Variants in TLN2 observed in about 807,000 individuals in gnomAD.
TLN2 encodes talin-2.
A neutral mutation model predicts 294.7 loss-of-function variants in TLN2; 118 were observed. The ratio of observed to expected loss-of-function variants is 0.40; its 90% CI spans 0.34 to 0.47. The LOEUF (loss-of-function observed/expected upper bound fraction) is 0.47. Among genes scored for constraint, TLN2 ranks in the 20% least tolerant of loss-of-function variants. TLN2 has a pLI of 0.84. For missense variants in TLN2, 3,083 were observed against 3,282.2 expected (o/e 0.94, Z 1.48); for synonymous variants, 1,431 against 1,304.5 (o/e 1.10, Z -2.09).
intron 1 of TLN2, among the ~76,000 whole-genome samples, chr15:62,559,666 G>T (rs745479410): frequency 5.3e-5 from 8 of 152,286 alleles, no homozygotes; most frequent in Non-Finnish European, 1.0e-4. Flanking sequence ...AGGCTCTTTG[G>T]TGGCAATGGA....
chr15:62,808,369 G>A (rs1310391297), intron 51 of TLN2, among the ~76,000 whole-genome samples: 1 of 152,182 alleles, frequency 6.6e-6, no homozygotes, highest in African/African-American at 2.4e-5. Context: ...ACTGTTGACA[G>A]ATATTTAGGC....
At chr15:62,713,865 A>G (rs1290075480) in intron 22 of TLN2, among the ~76,000 whole-genome samples, 3 of 146,460 alleles carry the variant, frequency 2.0e-5, no homozygotes, top group African/African-American at 4.9e-5. Flanking sequence ...GTTTCAGCCA[A>G]TAAGCTCTGC....
rs544433945 is a variant in TLN2, at chr15:62,597,764, C to G, written c.-162+8002C>G. On this transcript the variant is annotated intron_variant, in intron 2 of 58. Transcript: ENST00000636159. ...TAATGAGATGTCTTTGGGATGGGACCCAAGTCTATACATGAAGTTTATTTA... is the reference window on the plus strand; with the variant it reads ...TAATGAGATGTCTTTGGGATGGGACGCAAGTCTATACATGAAGTTTATTTA... Among the ~76,000 whole-genome samples, 43 of 152,172 alleles carry G rather than the reference C, an allele frequency of 2.8e-4. No homozygotes were observed. In the South Asian group the frequency reaches 3.5e-3, roughly 12 times the overall value.
chr15:62,644,065 C>T (rs1323477434), intron 3 of TLN2, among the ~76,000 whole-genome samples: 4 of 152,090 alleles, frequency 2.6e-5, no homozygotes, highest in Admixed American at 2.6e-4. Context: ...TCCTAGCATA[C>T]TTGCTCAGGA....
rs781494562 is a variant in TLN2, at chr15:62,686,621, C to T, written c.958-20C>T. The T allele has an allele frequency of 1.2e-6, 2 of 1,603,550 alleles. No individual in the cohort carries two copies. Among genetic ancestry groups the T allele is most frequent in the Admixed American group, 3.4e-5 (2 of 58,392 alleles). The stretch of plus-strand genomic sequence containing the variant: ...TGTATTCAGAAGAAGAGCACTGACT[C>T]TTGGTATCTCCTGTTTCAGGAGAAG... On this transcript the variant is annotated intron_variant, in intron 11 of 58. Coordinates refer to ENST00000636159, the MANE Select transcript of TLN2 (RefSeq NM_015059.3).
At chr15:62,586,264 C>T (rs1389913789) in intron 1 of TLN2, among the ~76,000 whole-genome samples, 2 of 152,156 alleles carry the variant, frequency 1.3e-5, no homozygotes, top group Admixed American at 6.5e-5. Context: ...ACTTTGGAGT[C>T]GCAGATGCTT....
chr15:62,602,135 C>G (rs1012885019), intron 2 of TLN2, among the ~76,000 whole-genome samples: 3 of 152,130 alleles, frequency 2.0e-5, no homozygotes, highest in Non-Finnish European at 2.9e-5. Context: ...TGGATACTTA[C>G]AGTGGACAGA....
At chr15:62,661,245 G>A (rs1396606186) in intron 9 of TLN2, among the ~76,000 whole-genome samples, 1 of 152,232 alleles carries the variant, frequency 6.6e-6, no homozygotes, top group East Asian at 1.9e-4. Context: ...AATTGAAGGT[G>A]ACTCTAGGTG....
In TLN2 at chr15:62,722,476, G is replaced by A. The variant is rs144455448; in HGVS notation, c.3115G>A (p.Ala1039Thr). ...CACCAGCTTGGCGGAGCTGCGTACC[G>A]CCTCGCAGAAGGCAAGTGGAGCGTG... ...LATSLAELRTASQKAHEACGP... is the reference protein window; with the variant it reads ...LATSLAELRTTSQKAHEACGP... Residue 1039 changes from alanine (A) to threonine (T), a missense_variant, in exon 26 of 59, where the codon GCC becomes ACC. Transcript: ENST00000636159. The A allele has an allele frequency of 3.1e-5, 50 of 1,610,816 alleles. 1 individual carries two copies. Among genetic ancestry groups the A allele is most frequent in the Middle Eastern group, 4.1e-4 (2 of 4,912 alleles).
chr15:62,406,708 A>G (rs1431920240), intron 1 of TLN2, among the ~76,000 whole-genome samples: 1 of 152,164 alleles, frequency 6.6e-6, no homozygotes, highest in African/African-American at 2.4e-5. Context: ...GGGCATGTCC[A>G]ACTGAAAGTT....
intron 14 of TLN2, among the ~76,000 whole-genome samples, chr15:62,695,596 T>C (rs74415383): frequency 0.095 from 14,516 of 152,250 alleles, 1,382 homozygotes; most frequent in African/African-American, 0.25. Flanking sequence ...CCATTAAACT[T>C]GCTTAGCTGT....
chr15:62,502,078 C>T (rs891142924), intron 1 of TLN2, among the ~76,000 whole-genome samples: 1 of 152,190 alleles, frequency 6.6e-6, no homozygotes, highest in African/African-American at 2.4e-5. Context: ...ACAGGTGGCT[C>T]TACCTTTAAG....
Position 62,697,765 on chromosome 15 carries a change from G to C in TLN2, c.1370G>C (p.Arg457Pro). 1.2e-6 allele frequency: 2 copies of C among 1,612,698 alleles called. No individual in the cohort carries two copies. Among genetic ancestry groups the C allele is most frequent in the East Asian group, 2.2e-5 (1 of 44,790 alleles). The change falls in exon 15 of 59, where the codon CGC becomes CCC. Residue 457 changes from arginine to proline, a missense_variant. By Grantham distance (103) the Arg-to-Pro change is moderately radical. Coordinates refer to ENST00000636159, the MANE Select transcript of TLN2 (RefSeq NM_015059.3). ...HGSVALPAVM[R>P]SGSSGPETFN... ...TCAGTGGCGCTGCCGGCCGTGATGC[G>C]CTCGGGCTCCAGCGGGCCTGAGACC... is the stretch of plus-strand genomic sequence containing the variant.
In TLN2 at chr15:62,802,411, T is replaced by TACACACACACAC. The variant is rs60573464; in HGVS notation, c.6477+1658_6477+1669dup. On this transcript the variant is annotated intron_variant, in intron 50 of 58. Transcript: ENST00000636159. Reference sequence around the variant, plus strand: ...ATGAATGGACACACATATACAATGGTACACACACACACACACACACACACA... The same window carrying TACACACACACAC: ...ATGAATGGACACACATATACAATGGTACACACACACACACACACACACACACACACACACACA... Among the ~76,000 whole-genome samples the TACACACACACAC allele has an allele frequency of 3.2e-3, 480 of 149,816 alleles. 1 individual carries two copies. Among genetic ancestry groups the TACACACACACAC allele is most frequent in the Non-Finnish European group, 4.6e-3 (313 of 67,372 alleles).
intron 54 of TLN2, chr15:62,828,537 A>C (rs2068443888): frequency 6.6e-6 from 1 of 152,220 alleles, no homozygotes; most frequent in South Asian, 2.1e-4. Flanking sequence ...CTGTGTTTAC[A>C]TTTGTATGTC....
At chr15:62,464,747 C>T (rs529533152) in intron 1 of TLN2, among the ~76,000 whole-genome samples, 1 of 152,088 alleles carries the variant, frequency 6.6e-6, no homozygotes, top group African/African-American at 2.4e-5. Flanking sequence ...AGCCAGCTAT[C>T]GGGCATTCTT....
At chr15:62,749,734 GAA>G (rs1159986685) in intron 33 of TLN2, among the ~76,000 whole-genome samples, 1 of 152,152 alleles carries the variant, frequency 6.6e-6, no homozygotes, top group Non-Finnish European at 1.5e-5. Context: ...GCATCCCCAG[GAA>G]AAGTCCCTTA....
intron 1 of TLN2, among the ~76,000 whole-genome samples, chr15:62,424,704 G>A (rs568068187): frequency 6.6e-6 from 1 of 152,216 alleles, no homozygotes; most frequent in South Asian, 2.1e-4. Context: ...CCAGGCTGGA[G>A]TCTAGTGGCC....
chr15:62,665,871 C>T (rs1446828014), intron 9 of TLN2, among the ~76,000 whole-genome samples: 1 of 152,180 alleles, frequency 6.6e-6, no homozygotes, highest in Non-Finnish European at 1.5e-5. Context: ...TCACCACCAT[C>T]CTCCCACTAA....
Sources: gnomAD v4.1 joint callset for allele counts (sites outside exome capture counted in the v4.1 genomes callset) on GRCh38, gnomAD v4.1.1 for gene constraint, MANE v1.5 for transcripts, NCBI Gene and HGNC (gene_info 2026-07-23, HGNC 2026-07-21) for gene names.